Variants in INCA1 observed in about 807,000 individuals in gnomAD.
INCA1 encodes inhibitor of CDK, cyclin A1 interacting protein 1.
INCA1 carries 28 observed loss-of-function variants against 25.7 expected under a neutral mutation model. That is an observed-to-expected ratio of 1.09 (90% CI 0.81 to 1.49). INCA1 has a LOEUF of 1.49. INCA1 is among the 40% of genes most tolerant of loss of function. The pLI is 0.00. For synonymous variants in INCA1, 111 were observed against 103.6 expected (o/e 1.07, Z -0.43); for missense variants, 309 against 290.9 (o/e 1.06, Z -0.45).
intron 1 of INCA1, 52 bp from the exon 2 acceptor site, chr17:4,994,527 C>T (rs1163726794): frequency 4.2e-6 from 6 of 1,431,670 alleles, no homozygotes; most frequent in Non-Finnish European, 4.9e-6. Flanking sequence ...TGTGGTGGCT[C>T]ACGCCTGTAA....
exon 7 of INCA1, chr17:4,988,339 TC>T (rs1973512412): frequency 6.7e-7 from 1 of 1,501,950 alleles, no homozygotes; most frequent in Non-Finnish European, 8.9e-7. Flanking sequence ...TGAGGGTGAC[TC>T]TAGTGACGGA....
chr17:4,996,092 A>C (rs1974230888), intron 1 of INCA1, among the ~76,000 whole-genome samples: 2 of 151,802 alleles, frequency 1.3e-5, no homozygotes, highest in Non-Finnish European at 2.9e-5. Context: ...GTGGGGAGAA[A>C]GGGCAGTTAA....
intron 6 of INCA1, 60 bp from the exon 7 acceptor site, chr17:4,988,614 C>T (rs1973545634): frequency 6.3e-7 from 1 of 1,596,338 alleles, no homozygotes. Flanking sequence ...TTCCAGATTT[C>T]CTAGTACCCA....
exon 5 of INCA1, chr17:4,989,498 C>A: frequency 6.2e-7 from 1 of 1,614,242 alleles, no homozygotes; most frequent in Non-Finnish European, 8.5e-7. Flanking sequence ...CGGGCGGGGA[C>A]TCCCCCAAGG....
At chr17:4,988,517 T>C in exon 7 of INCA1, 1 of 1,613,650 alleles carries the variant, frequency 6.2e-7, no homozygotes, top group Non-Finnish European at 8.5e-7. Flanking sequence ...GGCACAAGCC[T>C]CCTCCTGATC....
At chr17:4,988,425 A>G in exon 7 of INCA1, 1 of 1,608,320 alleles carries the variant, frequency 6.2e-7, no homozygotes, top group Non-Finnish European at 8.5e-7. Context: ...GACGCTGCCA[A>G]CTCCATCCCC....
At chr17:4,988,677 T>C in intron 6 of INCA1, 102 bp downstream of exon 6, 3 of 1,575,800 alleles carry the variant, frequency 1.9e-6, no homozygotes, top group Non-Finnish European at 2.6e-6. Context: ...TTTGTTTCTC[T>C]CAAATCCAGC....
chr17:4,995,022 A>G (rs1260882287), intron 1 of INCA1, among the ~76,000 whole-genome samples: 2 of 152,058 alleles, frequency 1.3e-5, no homozygotes, highest in South Asian at 2.1e-4. Flanking sequence ...TCTGACCAAC[A>G]TGGAGAAACC....
intron 2 of INCA1, among the ~76,000 whole-genome samples, chr17:4,993,012 A>T (rs1346216680): frequency 8.5e-5 from 12 of 141,042 alleles, no homozygotes; most frequent in Middle Eastern, 4.3e-3. Flanking sequence ...CCTGAGTAGC[A>T]GGGATTATAG....
chr17:4,996,927 G>A lies in INCA1; in HGVS notation c.-39+76C>T, dbSNP rs1429506825. ...AAAGGGGATGTCCTGACTCGGAGGG[G>A]GGTCAGCAGAACGCGAGGGAGCAGC... On this transcript the variant is annotated intron_variant, in intron 1 of 6. Transcript: ENST00000576820. 3.3e-5 allele frequency: 5 copies of A among 153,300 alleles called. No homozygotes were observed. In the East Asian group the frequency reaches 5.8e-4, roughly 18 times the overall value. 9.5% of individuals were successfully genotyped at this position (153,300 alleles called of 1,614,324 possible).
chr17:4,991,943 G>A (rs1488031849), intron 2 of INCA1, among the ~76,000 whole-genome samples: 1 of 152,012 alleles, frequency 6.6e-6, no homozygotes, highest in Non-Finnish European at 1.5e-5. Context: ...TTCCTGGACT[G>A]TTGCAATGGT....
chr17:4,997,206 G>T (rs889486007), upstream of INCA1: 1 of 152,348 alleles, frequency 6.6e-6, no homozygotes, highest in Non-Finnish European at 1.5e-5. Context: ...GGGGACCCTC[G>T]ACAGGTGGAC....
chr17:4,994,379 A>T lies in INCA1; in HGVS notation c.44+15T>A. ...CATCCCATCCCCATGCTCCCCACCCAGTGGGAGGACTCACTTGGCAAAGGG... is the reference window on the plus strand; with the variant it reads ...CATCCCATCCCCATGCTCCCCACCCTGTGGGAGGACTCACTTGGCAAAGGG... On this transcript the variant is annotated intron_variant, in intron 2 of 6. Transcript: ENST00000576820. 6.2e-7 allele frequency: 1 copy of T among 1,612,928 alleles called. No individual in the cohort carries two copies. The highest frequency in any genetic ancestry group is 8.5e-7 in the Non-Finnish European group (1 of 1,179,152).
intron 6 of INCA1, 105 bp from the exon 7 acceptor site, chr17:4,988,659 ACG>A (rs2143146681): frequency 6.4e-7 from 1 of 1,568,090 alleles, no homozygotes; most frequent in Admixed American, 1.8e-5. Flanking sequence ...GTTCTCACCT[ACG>A]TTATTTTTGT....
intron 2 of INCA1, among the ~76,000 whole-genome samples, chr17:4,993,767 C>CTTTCTT (rs1974039836): frequency 1.0e-5 from 1 of 97,322 alleles, no homozygotes; most frequent in Non-Finnish European, 2.0e-5. Flanking sequence ...CGTGCCTGGC[C>CTTTCTT]TTTTTTTTTT....
chr17:4,994,745 G>A lies in INCA1; in HGVS notation c.-38-270C>T, dbSNP rs143503706. On this transcript the variant is annotated intron_variant, in intron 1 of 6. Transcript: ENST00000576820. ...GCGGAGGTTGCAGTGAGCCGAGATC[G>A]CGCCACTGCACTCCAGCCTGGGGGA... Among the ~76,000 whole-genome samples the A allele has an allele frequency of 5.0e-3, 695 of 139,128 alleles. 4 individuals are homozygous for A. The highest frequency in any genetic ancestry group is 0.017 in the African/African-American group (617 of 36,564). The allele number at this position is 139,128 out of a possible 152,430, so 91.3% of individuals were successfully genotyped here.
chr17:4,993,701 C>T (rs111433041), intron 2 of INCA1, among the ~76,000 whole-genome samples: 18,141 of 151,084 alleles, frequency 0.12, 2,336 homozygotes, highest in African/African-American at 0.32. Context: ...ATCTCCTGAC[C>T]TCGTGATCCA....
At chr17:4,989,328 T>A in intron 5 of INCA1, 100 bp downstream of exon 5, 1 of 1,173,192 alleles carries the variant, frequency 8.5e-7, no homozygotes, top group Non-Finnish European at 1.2e-6. Flanking sequence ...AAAGCTCCCC[T>A]CAAACCTCCC....
At position 4,994,275 on chromosome 17, in the gene INCA1, CCT is replaced by C. The variant is rs575242966; in HGVS notation, c.44+117_44+118del. ...GAATAAATTAATGAATCATCAATCC[CCT>C]GAGACCAGGCATTGCATTTCCCGTT... is the stretch of plus-strand genomic sequence containing the variant. On this transcript the variant is annotated intron_variant, in intron 2 of 6. Coordinates refer to ENST00000576820, the Ensembl canonical transcript of INCA1. 9.7e-4 allele frequency: 868 copies of C among 895,302 alleles called. 3 individuals carry two copies. The highest frequency in any genetic ancestry group is 1.6e-3 in the Middle Eastern group (5 of 3,120). The allele number at this position is 895,302 out of a possible 1,614,324, so 55.5% of individuals were successfully genotyped here.
Sources: allele counts gnomAD v4.1 joint callset (sites outside exome capture counted in the v4.1 genomes callset), GRCh38; gene constraint gnomAD v4.1.1; transcripts MANE v1.5; gene names NCBI Gene and HGNC (gene_info 2026-07-23, HGNC 2026-07-21).